The following CES5A variants were observed in gnomAD, a reference collection of about 807,000 sequenced individuals.
CES5A encodes carboxylesterase 5A.
CES5A carries 67 observed loss-of-function variants against 62.9 expected under a neutral mutation model. The observed-to-expected ratio is 1.07, with a 90% CI of 0.88 to 1.31. The LOEUF (loss-of-function observed/expected upper bound fraction) is 1.31. CES5A is among the 50% of genes most tolerant of loss of function. CES5A has a pLI of 0.00. For missense variants in CES5A, 748 were observed against 708.5 expected (o/e 1.06, Z -0.63); for synonymous variants, 296 against 280.8 (o/e 1.05, Z -0.54).
chr16:55,931,670 T>C (rs1272189122), intron 2 of CES5A, among the ~76,000 whole-genome samples: 1 of 152,174 alleles, frequency 6.6e-6, no homozygotes, highest in African/African-American at 2.4e-5. Flanking sequence ...CCTCTGTCCT[T>C]TGGGGCCTGC....
upstream of CES5A, among the ~76,000 whole-genome samples, chr16:55,930,399 C>G (rs1475668526): frequency 1.3e-5 from 2 of 152,218 alleles, no homozygotes; most frequent in African/African-American, 2.4e-5. Context: ...ATACCTTCCA[C>G]TCCCTGCCCA....
At chr16:55,891,768 C>T (rs2142433407) in intron 1 of CES5A, among the ~76,000 whole-genome samples, 2 of 152,244 alleles carry the variant, frequency 1.3e-5, no homozygotes, top group South Asian at 4.2e-4. Context: ...ATGATATTTC[C>T]CTTTCACACC....
chr16:55,915,130 G>A (rs1261485380), intron 1 of CES5A, among the ~76,000 whole-genome samples: 1 of 152,070 alleles, frequency 6.6e-6, no homozygotes, highest in South Asian at 2.1e-4. Flanking sequence ...TTAAGCAAGT[G>A]CAGGTAGCCA....
In CES5A at chr16:55,867,583, G is replaced by A. The variant is rs538842542; in HGVS notation, c.552-1467C>T. On this transcript the variant is annotated intron_variant, in intron 4 of 12. Coordinates refer to ENST00000290567, the MANE Select transcript of CES5A (RefSeq NM_001143685.2). ...CTCTCTCCCAGGCCCCTGCTCAAGA[G>A]TCAAGCCCTGCCAATTTTACCTCCA... Among the ~76,000 whole-genome samples the A allele has an allele frequency of 6.6e-4, 101 of 152,224 alleles. 1 individual carries two copies. In the South Asian group the frequency reaches 0.018, roughly 28 times the overall value.
At chr16:55,860,505 A>G (rs1364802007) in intron 7 of CES5A, among the ~76,000 whole-genome samples, 1 of 152,170 alleles carries the variant, frequency 6.6e-6, no homozygotes, top group African/African-American at 2.4e-5. Context: ...ATCCTGATGC[A>G]TGTTTAAGTT....
intron 1 of CES5A, among the ~76,000 whole-genome samples, chr16:55,955,195 T>C (rs2089492791): frequency 1.3e-5 from 2 of 152,118 alleles, no homozygotes; most frequent in South Asian, 2.1e-4. Flanking sequence ...CCAAAGTCAC[T>C]TCCTTAACTT....
chr16:55,948,895 G>A (rs1597163517), intron 2 of CES5A, among the ~76,000 whole-genome samples: 1 of 152,324 alleles, frequency 6.6e-6, no homozygotes, highest in East Asian at 1.9e-4. Context: ...TTGACTGACT[G>A]AATAGATGTA....
At chr16:55,922,605 T>C (rs1437074231) in intron 1 of CES5A, among the ~76,000 whole-genome samples, 1 of 151,944 alleles carries the variant, frequency 6.6e-6, no homozygotes, top group Non-Finnish European at 1.5e-5. Flanking sequence ...GTAGGAAATT[T>C]TAACACCCCA....
intron 1 of CES5A, among the ~76,000 whole-genome samples, chr16:55,886,850 C>T (rs1490448987): frequency 2.0e-5 from 3 of 152,046 alleles, no homozygotes; most frequent in Admixed American, 2.0e-4. Context: ...TCATGGGATC[C>T]TATGTAATCC....
rs555322337 is a variant in CES5A, at chr16:55,871,847, G to A, written c.279-84C>T. 1.2e-4 allele frequency: 176 copies of A among 1,458,194 alleles called. 1 individual carries two copies. The African/African-American group carries it at 2.1e-3, about 17-fold the overall frequency. 90.3% of individuals were successfully genotyped at this position (1,458,194 alleles called of 1,614,324 possible). A position where few individuals can be genotyped will look rare whatever the true frequency, so the allele number is the denominator to read the frequency against. ...GGGCCAGTTCTTCTGACAGCGGGGA[G>A]GCCTGGCCGTCTCCTCTGCCTGAGC... On this transcript the variant is annotated intron_variant, in intron 2 of 12. Coordinates refer to ENST00000290567, the MANE Select transcript of CES5A (RefSeq NM_001143685.2).
intron 1 of CES5A, among the ~76,000 whole-genome samples, chr16:55,896,836 G>A (rs984590454): frequency 6.6e-6 from 1 of 152,206 alleles, no homozygotes; most frequent in Non-Finnish European, 1.5e-5. Context: ...AACTGCTTTA[G>A]AAAAGTTATT....
intron 8 of CES5A, among the ~76,000 whole-genome samples, chr16:55,858,934 C>T (rs2033298072): frequency 6.6e-6 from 1 of 152,154 alleles, no homozygotes; most frequent in South Asian, 2.1e-4. Context: ...ACCTTCTCTC[C>T]TCACTTGTGT....
At chr16:55,940,135 G>C (rs908146956) in intron 2 of CES5A, among the ~76,000 whole-genome samples, 2 of 151,818 alleles carry the variant, frequency 1.3e-5, no homozygotes, top group African/African-American at 4.8e-5. Context: ...CAAGAAACTA[G>C]AAAAAGAAGA....
At chr16:55,880,072 C>T (rs191620144), upstream of CES5A, among the ~76,000 whole-genome samples, 1 of 152,166 alleles carries the variant, frequency 6.6e-6, no homozygotes, top group East Asian at 1.9e-4. Flanking sequence ...GTGGTATACC[C>T]AATGATAATG....
At chr16:55,863,769 T>G (rs1387964144) in intron 5 of CES5A, among the ~76,000 whole-genome samples, 3 of 151,462 alleles carry the variant, frequency 2.0e-5, no homozygotes, top group Non-Finnish European at 4.4e-5. Flanking sequence ...TTCTTTTTTT[T>G]TTTTTTGAGA....
At chr16:55,846,711 G>C (rs1443203557) in intron 12 of CES5A, 29 bp from the exon 13 acceptor site, 2 of 1,613,454 alleles carry the variant, frequency 1.2e-6, no homozygotes, top group Non-Finnish European at 1.7e-6. Context: ...ACAGGGGTGA[G>C]ATTTTCCTCC....
rs74019323 is a variant in CES5A at position 55,899,389 on chromosome 16, G to A, written c.-255-25352C>T. Among the ~76,000 whole-genome samples the A allele has an allele frequency of 6.9e-3, 1,047 of 152,298 alleles. 19 individuals carry two copies. Among genetic ancestry groups the A allele is most frequent in the African/African-American group, 0.023 (948 of 41,570 alleles). On this transcript the variant is annotated intron_variant, in intron 1 of 12. Transcript: ENST00000518005. ...GCATATCCTTCTGAGCTGGGAGCCAGCAACACTGAGGAAGCTGCTGAAATT... is the reference window on the plus strand; with the variant it reads ...GCATATCCTTCTGAGCTGGGAGCCAACAACACTGAGGAAGCTGCTGAAATT...
intron 1 of CES5A, among the ~76,000 whole-genome samples, chr16:55,908,949 C>T (rs1194493400): frequency 6.6e-6 from 1 of 152,162 alleles, no homozygotes; most frequent in African/African-American, 2.4e-5. Context: ...CCATTCCAGA[C>T]AAAAATTCCC....
At chr16:55,848,250 G>T (rs1177101954) in intron 11 of CES5A, among the ~76,000 whole-genome samples, 1 of 152,036 alleles carries the variant, frequency 6.6e-6, no homozygotes, top group African/African-American at 2.4e-5. Flanking sequence ...GACTACAGGT[G>T]TGTGCCACCA....
Sources: allele counts gnomAD v4.1 joint callset (sites outside exome capture counted in the v4.1 genomes callset), GRCh38; gene constraint gnomAD v4.1.1; transcripts MANE v1.5; gene names NCBI Gene and HGNC (gene_info 2026-07-23, HGNC 2026-07-21).